The following RYR3 variants were observed in gnomAD, a reference collection of about 807,000 sequenced individuals.
The protein encoded by RYR3 is brain ryanodine receptor-calcium release channel.
RYR3 carries 207 observed loss-of-function variants against 584.3 expected under a neutral mutation model. The observed-to-expected ratio is 0.35, with a 90% CI of 0.32 to 0.40. RYR3 has a LOEUF of 0.40. RYR3 is among the 10% of genes least tolerant of loss of function. RYR3 has a pLI of 1.00. For missense variants in RYR3, 5,616 were observed against 6,089.2 expected, an observed-to-expected ratio of 0.92 and a Z score of 2.59; for synonymous variants, 2,416 against 2,248.5, an observed-to-expected ratio of 1.07 and a Z score of -2.11.
intron 48 of RYR3, among the ~76,000 whole-genome samples, chr15:33,732,925 T>C (rs533343254): frequency 1.3e-5 from 2 of 152,310 alleles, no homozygotes; most frequent in South Asian, 4.1e-4. Flanking sequence ...TGAGTTCTTT[T>C]CTAATCACAG....
rs367732646 is a variant in RYR3 at position 33,473,484 on chromosome 15, A to T, written c.117A>T (p.Ala39=). 1 of 1,613,974 alleles carries T rather than the reference A, an allele frequency of 6.2e-7. No homozygotes were observed. Among genetic ancestry groups the T allele is most frequent in the Non-Finnish European group, 8.5e-7 (1 of 1,179,866 alleles). ...AGGAGCAGAGGAAGTTCTGCCTGGCAGCCGAGGGACTTGGGAATCGCCTGT... is the reference window on the plus strand; with the variant it reads ...AGGAGCAGAGGAAGTTCTGCCTGGCTGCCGAGGGACTTGGGAATCGCCTGT... ...IHKEQRKFCL[A]AEGLGNRLCF... is the part of the protein sequence containing the mutation. The change falls in exon 2 of 104, where the codon GCA becomes GCT. Residue 39 remains alanine, a synonymous_variant. Transcript: ENST00000634891.
intron 1 of RYR3, among the ~76,000 whole-genome samples, chr15:33,443,849 T>C (rs1440697904): frequency 2.0e-5 from 3 of 152,228 alleles, no homozygotes; most frequent in Non-Finnish European, 2.9e-5. Flanking sequence ...GCTCCTGTTA[T>C]CATTTTTGGA....
intron 35 of RYR3, among the ~76,000 whole-genome samples, chr15:33,663,315 AG>A (rs902014462): frequency 1.3e-5 from 2 of 152,190 alleles, no homozygotes; most frequent in Non-Finnish European, 2.9e-5. Flanking sequence ...CTATTTTCTT[AG>A]AAATATTTTC....
At chr15:33,425,744 C>T (rs1208053445) in intron 1 of RYR3, among the ~76,000 whole-genome samples, 2 of 148,858 alleles carry the variant, frequency 1.3e-5, no homozygotes, top group Admixed American at 1.3e-4. Context: ...CGGGTTCATG[C>T]CATTCTCCTG....
chr15:33,854,980 G>T (rs1259032110), intron 98 of RYR3, 68 bp downstream of exon 98: 15 of 1,441,080 alleles, frequency 1.0e-5, no homozygotes, highest in Middle Eastern at 1.8e-4. Flanking sequence ...ACAGCAGGTA[G>T]TATACAGTAT....
chr15:33,461,434 A>G (rs536601653), intron 1 of RYR3, among the ~76,000 whole-genome samples: 37 of 152,262 alleles, frequency 2.4e-4, no homozygotes, highest in Middle Eastern at 3.4e-3. Context: ...CTTTTAGTAG[A>G]TACTTTGGGT....
At chr15:33,592,937 C>A (rs572103887) in intron 16 of RYR3, among the ~76,000 whole-genome samples, 9 of 152,234 alleles carry the variant, frequency 5.9e-5, no homozygotes, top group African/African-American at 1.9e-4. Flanking sequence ...TTTAGGGAGA[C>A]GTGAGACGTG....
chr15:33,824,815 G>A (rs2077290026), intron 81 of RYR3, among the ~76,000 whole-genome samples: 1 of 152,150 alleles, frequency 6.6e-6, no homozygotes, highest in Non-Finnish European at 1.5e-5. Flanking sequence ...TATGTTCTAT[G>A]AAACCTTTCA....
intron 102 of RYR3, among the ~76,000 whole-genome samples, chr15:33,862,930 TTTTAAAAAGATAAC>T (rs1469784836): frequency 6.6e-6 from 1 of 152,052 alleles, no homozygotes; most frequent in Non-Finnish European, 1.5e-5. Context: ...AAAACTTGAG[TTTTAAAAAGATAAC>T]TTTACTGTGC....
intron 2 of RYR3, among the ~76,000 whole-genome samples, chr15:33,485,407 T>C (rs1005386566): frequency 4.6e-5 from 7 of 152,108 alleles, no homozygotes; most frequent in African/African-American, 1.7e-4. Flanking sequence ...GTTTAAATGC[T>C]GAGGGGAAGA....
chr15:33,510,593 A>ATT (rs10543732), intron 3 of RYR3, among the ~76,000 whole-genome samples: 6 of 140,844 alleles, frequency 4.3e-5, no homozygotes, highest in Admixed American at 1.4e-4. Context: ...CATAATTTTA[A>ATT]TTTTTTTTTT....
chr15:33,767,070 A>T (rs2073137263), intron 60 of RYR3, among the ~76,000 whole-genome samples: 1 of 152,246 alleles, frequency 6.6e-6, no homozygotes, highest in African/African-American at 2.4e-5. Context: ...TTAGAAAAAC[A>T]TTGTTTTGTG....
At chr15:33,795,721 G>A (rs928692412) in intron 67 of RYR3, among the ~76,000 whole-genome samples, 3 of 152,064 alleles carry the variant, frequency 2.0e-5, no homozygotes, top group African/African-American at 7.2e-5. Flanking sequence ...GGTAGAGACA[G>A]GGTTTCACCA....
chr15:33,645,665 A>T (rs8025992), intron 28 of RYR3, among the ~76,000 whole-genome samples: 18,221 of 152,282 alleles, frequency 0.12, 1,208 homozygotes, highest in South Asian at 0.16. Context: ...GGCTCAGATT[A>T]TAAGAAAATT....
intron 53 of RYR3, 88 bp from the exon 54 acceptor site, chr15:33,748,026 C>A: frequency 7.9e-7 from 1 of 1,264,864 alleles, no homozygotes; most frequent in Non-Finnish European, 1.1e-6. Context: ...CCCCCACCCA[C>A]AGTGGGATGC....
intron 2 of RYR3, among the ~76,000 whole-genome samples, chr15:33,482,972 A>G (rs576033502): frequency 3.8e-4 from 57 of 151,994 alleles, no homozygotes; most frequent in African/African-American, 1.4e-3. Flanking sequence ...TTCTTCAACT[A>G]TTTTTTTATC....
chr15:33,678,943 C>G (rs1456631825), intron 38 of RYR3, among the ~76,000 whole-genome samples: 1 of 152,232 alleles, frequency 6.6e-6, no homozygotes, highest in Non-Finnish European at 1.5e-5. Context: ...ATGGTACCTA[C>G]TGCACAACCT....
In RYR3 at chr15:33,625,540, T is replaced by C. The variant is rs191720974; in HGVS notation, c.2574+1517T>C. ...TCTTCTACCCTCCTAGGTTCTGTTT[T>C]TGGGGTCCTGTGAATTAAGCTCATA... On this transcript the variant is annotated intron_variant, in intron 20 of 103. Transcript: ENST00000634891. Among the ~76,000 whole-genome samples, 4 of 152,266 alleles carry C rather than the reference T, an allele frequency of 2.6e-5. No individual in the cohort carries two copies. In the East Asian group the frequency reaches 7.7e-4, roughly 29 times the overall value.
chr15:33,550,219 G>A lies in RYR3; in HGVS notation c.875G>A (p.Gly292Asp), dbSNP rs2056578443. 2 of 1,613,786 alleles carry A rather than the reference G, an allele frequency of 1.2e-6. No individual in the cohort carries two copies. The highest frequency in any genetic ancestry group is 3.3e-5 in the Admixed American group (2 of 60,016). ...QAFRLRHLTT[G>D]HYLALTEDQG... ...TTCCGACTCCGGCATCTCACCACAG[G>A]CCACTACCTGGCCTTGACAGAAGAC... The change falls in exon 10 of 104, where the codon GGC becomes GAC. Residue 292 changes from glycine to aspartate, a missense_variant. By Grantham distance (94) the Gly-to-Asp change is moderately conservative. Coordinates refer to ENST00000634891, the MANE Select transcript of RYR3 (RefSeq NM_001036.6).
Sources: gnomAD v4.1 joint callset for allele counts (sites outside exome capture counted in the v4.1 genomes callset) on GRCh38, gnomAD v4.1.1 for gene constraint, MANE v1.5 for transcripts, NCBI Gene and HGNC (gene_info 2026-07-23, HGNC 2026-07-21) for gene names.